The following SYT2 variants were observed in gnomAD, a reference collection of about 807,000 sequenced individuals.
SYT2 encodes synaptotagmin-2.
Under a neutral mutation model 39.9 loss-of-function variants are expected in SYT2, and 15 were observed. That is an observed-to-expected ratio of 0.38 (90% confidence interval 0.25 to 0.58). SYT2 has a LOEUF of 0.58. Ranked by LOEUF, SYT2 falls within the 20% of genes least tolerant of loss-of-function variation. The pLI, the probability that SYT2 is intolerant of heterozygous loss-of-function variation, is 0.70. For synonymous variants in SYT2, 181 were observed against 204.5 expected (o/e 0.89, Z 0.98); for missense variants, 389 against 530.3 (o/e 0.73, Z 2.62).
Position 202,628,998 on chromosome 1 carries a change from T to A in SYT2, c.-17-23209A>T, listed in dbSNP as rs1305702523. Among the ~76,000 whole-genome samples, 14 of 152,304 alleles carry A rather than the reference T, an allele frequency of 9.2e-5. No individual in the cohort carries two copies. In the East Asian group the frequency reaches 2.7e-3, roughly 29 times the overall value. ...GCAGGGCTGCGAGGCTTAGGAGCAC[T>A]GTATGTAAAGCATGGTATTATGGCC... On this transcript the variant is annotated intron_variant, in intron 1 of 8. Coordinates refer to ENST00000367268, the MANE Select transcript of SYT2 (RefSeq NM_177402.5). This position sits in a 1 kb window ranked among gnomAD's most constrained non-coding sequence, Gnocchi z 4.2.
intron 1 of SYT2, among the ~76,000 whole-genome samples, chr1:202,617,824 G>A (rs1691089142): frequency 6.6e-6 from 1 of 152,196 alleles, no homozygotes; most frequent in Non-Finnish European, 1.5e-5. Flanking sequence ...TTGGCCAACG[G>A]CAGTCCAGGG....
At position 202,596,805 on chromosome 1, in the gene SYT2, C is replaced by G; in HGVS notation, c.1212G>C (p.Ser404=). 1 of 1,614,148 alleles carries G rather than the reference C, an allele frequency of 6.2e-7. No homozygotes were observed. Among genetic ancestry groups the G allele is most frequent in the Non-Finnish European group, 8.5e-7 (1 of 1,180,006 alleles). Residue 404 remains serine, a synonymous_variant, in exon 9 of 9, where the codon TCG becomes TCC. Coordinates refer to ENST00000367268, the MANE Select transcript of SYT2 (RefSeq NM_177402.5). ...CATCCACCTCCTCCTCAGGCTTGAGCGAGTGCCACTGGGCGATGGGCCTCC... is the reference window on the plus strand; with the variant it reads ...CATCCACCTCCTCCTCAGGCTTGAGGGAGTGCCACTGGGCGATGGGCCTCC... ...NPRRPIAQWH[S]LKPEEEVDAL...
At chr1:202,704,263 C>T (rs1262901641) in intron 1 of SYT2, among the ~76,000 whole-genome samples, 1 of 152,186 alleles carries the variant, frequency 6.6e-6, no homozygotes, top group Non-Finnish European at 1.5e-5. Context: ...CAGAACTCCA[C>T]TTTGGGGGCT....
At chr1:202,632,691 C>A (rs1691627774) in intron 1 of SYT2, 4 of 524,420 alleles carry the variant, frequency 7.6e-6, no homozygotes, top group African/African-American at 2.1e-5. Flanking sequence ...AGCCCACCTG[C>A]CCAGAGAGGC....
At chr1:202,675,393 A>AAT (rs1398124760) in intron 1 of SYT2, among the ~76,000 whole-genome samples, 1 of 148,674 alleles carries the variant, frequency 6.7e-6, no homozygotes, top group African/African-American at 2.4e-5. Flanking sequence ...ATAATTATAT[A>AAT]ATATATATAC....
chr1:202,693,912 C>A (rs1294689664), intron 1 of SYT2, among the ~76,000 whole-genome samples: 1 of 152,192 alleles, frequency 6.6e-6, no homozygotes, highest in East Asian at 1.9e-4. Flanking sequence ...AGAAAGCCTA[C>A]AATCATGGTG....
chr1:202,638,487 A>G (rs1025610626), intron 1 of SYT2, among the ~76,000 whole-genome samples: 13 of 152,230 alleles, frequency 8.5e-5, no homozygotes, highest in Non-Finnish European at 1.8e-4. Flanking sequence ...ATCTGCTCGG[A>G]GGCCTTTCTG....
chr1:202,687,022 C>T (rs1349243475), intron 1 of SYT2, among the ~76,000 whole-genome samples: 1 of 152,086 alleles, frequency 6.6e-6, no homozygotes, highest in Admixed American at 6.5e-5. Context: ...ATTCACTTAC[C>T]CTTCTGTATT....
intron 1 of SYT2, among the ~76,000 whole-genome samples, chr1:202,662,786 C>G (rs1385415799): frequency 6.6e-6 from 1 of 152,178 alleles, no homozygotes; most frequent in Non-Finnish European, 1.5e-5. Context: ...CTCTGGGCCT[C>G]AGGATCATCA....
At chr1:202,616,519 TGCACACACAC>T (rs1437347301) in intron 1 of SYT2, among the ~76,000 whole-genome samples, 1 of 152,118 alleles carries the variant, frequency 6.6e-6, no homozygotes, top group Non-Finnish European at 1.5e-5. Flanking sequence ...TATACACACG[TGCACACACAC>T]GCACACATGG....
chr1:202,642,416 G>A (rs1226829187), intron 1 of SYT2, among the ~76,000 whole-genome samples: 1 of 151,798 alleles, frequency 6.6e-6, no homozygotes, highest in African/African-American at 2.4e-5. Context: ...CCATCATCCT[G>A]AGATTCAGAG....
chr1:202,677,233 C>T (rs1653398881), intron 1 of SYT2, among the ~76,000 whole-genome samples: 1 of 152,180 alleles, frequency 6.6e-6, no homozygotes, highest in African/African-American at 2.4e-5. Flanking sequence ...GTGGCAGATT[C>T]TCATCTCCCA....
In SYT2 at chr1:202,602,649, T is replaced by C. The variant is rs554675557; in HGVS notation, c.466-104A>G. The C allele has an allele frequency of 1.7e-3, 2,095 of 1,201,582 alleles. 42 individuals carry two copies. The highest frequency in any genetic ancestry group is 1.4e-4 in the Non-Finnish European group (124 of 863,296). The allele number at this position is 1,201,582 out of a possible 1,614,324, so 74.4% of individuals were successfully genotyped here. On this transcript the variant is annotated intron_variant, in intron 4 of 8. Coordinates refer to ENST00000367268, the MANE Select transcript of SYT2 (RefSeq NM_177402.5). ...ACCAATTCCGTCCCAGAGGAGGCAG[T>C]TGGGGCAGGGAAATGGCGGGAGGCT... is the stretch of plus-strand genomic sequence containing the variant.
intron 1 of SYT2, among the ~76,000 whole-genome samples, chr1:202,671,714 A>G (rs1014237212): frequency 6.6e-6 from 1 of 152,176 alleles, no homozygotes; most frequent in African/African-American, 2.4e-5. Context: ...ATCGACCCCA[A>G]AGGGGCTCAT....
At position 202,642,928 on chromosome 1, in the gene SYT2, G is replaced by A. The variant is rs185533120; in HGVS notation, c.-17-37139C>T. On this transcript the variant is annotated intron_variant, in intron 1 of 8. Transcript: ENST00000367268. ...TCCCTGGTCCCAGCGCTAAGGCACC[G>A]CGGCTTCTCTCGCCTTCTCTCCGCT... 2.3e-4 allele frequency among the ~76,000 whole-genome samples: 35 copies of A among 152,342 alleles called. 1 individual carries two copies. Among genetic ancestry groups the A allele is most frequent in the Non-Finnish European group, 3.8e-4 (26 of 68,034 alleles).
At chr1:202,667,789 T>C (rs1692508963) in intron 1 of SYT2, among the ~76,000 whole-genome samples, 1 of 152,130 alleles carries the variant, frequency 6.6e-6, no homozygotes, top group Admixed American at 6.5e-5. Flanking sequence ...CTTGGCTCAT[T>C]GCAACCTCTG....
chr1:202,618,064 G>A (rs1028613382), intron 1 of SYT2, among the ~76,000 whole-genome samples: 3 of 151,990 alleles, frequency 2.0e-5, no homozygotes, highest in Non-Finnish European at 4.4e-5. Flanking sequence ...CACACGCCTG[G>A]CTAATTTGTT....
Position 202,623,737 on chromosome 1 carries a change from G to C in SYT2, c.-17-17948C>G, listed in dbSNP as rs1032240235. On this transcript the variant is annotated intron_variant, in intron 1 of 8. Transcript: ENST00000367268. This position sits in a 1 kb window ranked among gnomAD's most constrained non-coding sequence, Gnocchi z 4.2. Reference sequence around the variant, plus strand: ...GAGGGAGGACGGGTAGGACTGTGGGGGTCTGCCCTGGTCGTGCTCCCAAGA... The same window carrying C: ...GAGGGAGGACGGGTAGGACTGTGGGCGTCTGCCCTGGTCGTGCTCCCAAGA... Among the ~76,000 whole-genome samples the C allele has an allele frequency of 5.3e-5, 8 of 152,188 alleles. No individual in the cohort carries two copies. Among genetic ancestry groups the C allele is most frequent in the African/African-American group, 1.9e-4 (8 of 41,428 alleles).
chr1:202,682,507 G>C (rs560728555), intron 1 of SYT2, among the ~76,000 whole-genome samples: 61 of 152,268 alleles, frequency 4.0e-4, no homozygotes, highest in African/African-American at 1.4e-3. Flanking sequence ...AAAGCTTCAA[G>C]AAGAAGTGTG....
Sources: gnomAD v4.1 joint callset for allele counts (sites outside exome capture counted in the v4.1 genomes callset) on GRCh38, gnomAD v4.1.1 for gene constraint, Gnocchi (gnomAD v3.1) non-coding constraint, MANE v1.5 for transcripts, NCBI Gene and HGNC (gene_info 2026-07-23, HGNC 2026-07-21) for gene names.